Variants in CLINT1 observed in about 807,000 individuals in gnomAD.
CLINT1 encodes the protein clathrin interacting protein localized in the trans-Golgi region.
In CLINT1, 15 loss-of-function variants were observed where a neutral mutation model predicts 70.4. The observed-to-expected ratio is 0.21, with a 90% CI of 0.14 to 0.33. The LOEUF (loss-of-function observed/expected upper bound fraction) is 0.33, where lower values mean the gene tolerates loss of function less well. CLINT1 is among the 10% of genes least tolerant of loss of function. The pLI, the probability that CLINT1 is intolerant of heterozygous loss-of-function variation, is 1.00. For missense variants in CLINT1, 615 were observed against 778.1 expected (o/e 0.79, Z 2.49); for synonymous variants, 227 against 254.7 (o/e 0.89, Z 1.04).
chr5:157,825,411 C>A (rs891003343), intron 1 of CLINT1, among the ~76,000 whole-genome samples: 4 of 150,932 alleles, frequency 2.7e-5, no homozygotes, highest in African/African-American at 9.7e-5. Flanking sequence ...CTTTCTCAGT[C>A]AAAAAAAAAT....
chr5:157,803,539 T>C, intron 8 of CLINT1, 111 bp downstream of exon 8: 1 of 682,904 alleles, frequency 1.5e-6, no homozygotes, highest in Non-Finnish European at 2.2e-6. Flanking sequence ...TAATTTCATA[T>C]AAAAAATGAA....
At chr5:157,813,296 A>G in intron 4 of CLINT1, 69 bp from the exon 5 acceptor site, 1 of 1,298,830 alleles carries the variant, frequency 7.7e-7, no homozygotes, top group Non-Finnish European at 1.0e-6. Context: ...CTTTAAGATT[A>G]AAAAAAAGAC....
chr5:157,826,515 A>AT (rs149117429), intron 1 of CLINT1, among the ~76,000 whole-genome samples: 87,596 of 148,168 alleles, frequency 0.59, 25,638 homozygotes, highest in Admixed American at 0.66. Flanking sequence ...GCTTTCAGTC[A>AT]TTTTTTTTTT....
chr5:157,787,825 C>T lies in CLINT1; in HGVS notation c.1699G>A (p.Gly567Arg), dbSNP rs1243477078. Residue 567 changes from glycine (G) to arginine (R), a missense_variant, in exon 12 of 12, where the codon GGA becomes AGA. This residue lies in a region of CLINT1 where 374 missense variants were observed against 409.6 expected (regional missense o/e 0.91). Coordinates refer to ENST00000411809, the MANE Select transcript of CLINT1 (RefSeq NM_014666.4). The part of the protein sequence containing the change: ...MTGTMGMAPL[G>R]NTPMMNQSMM... ...CTCTGGTTCATCATCGGAGTATTTC[C>T]AAGAGGGGCCATTCCCATGGTGCCA... The T allele has an allele frequency of 3.7e-6, 6 of 1,613,818 alleles. No homozygotes were observed. The highest frequency in any genetic ancestry group is 1.3e-5 in the African/African-American group (1 of 74,910).
At chr5:157,824,565 G>T (rs895498525) in intron 1 of CLINT1, among the ~76,000 whole-genome samples, 6 of 152,122 alleles carry the variant, frequency 3.9e-5, no homozygotes, top group African/African-American at 1.4e-4. Context: ...TAACACAAGC[G>T]ACAACATAGC....
intron 9 of CLINT1, 57 bp from the exon 10 acceptor site, chr5:157,792,052 TAACAATC>T: frequency 6.8e-7 from 1 of 1,467,310 alleles, no homozygotes; most frequent in Admixed American, 2.0e-5. Context: ...AGAACAAATG[TAACAATC>T]TATGAACTGA....
At chr5:157,814,861 C>T (rs1486834585) in intron 3 of CLINT1, among the ~76,000 whole-genome samples, 8 of 151,772 alleles carry the variant, frequency 5.3e-5, no homozygotes, top group African/African-American at 1.2e-4. Flanking sequence ...GGTGAAACCT[C>T]GTCTCTACTA....
intron 1 of CLINT1, among the ~76,000 whole-genome samples, chr5:157,831,972 A>G (rs1763260098): frequency 1.3e-5 from 2 of 152,032 alleles, no homozygotes; most frequent in South Asian, 4.2e-4. Flanking sequence ...CTGGGATTAC[A>G]AGCGTGAGCC....
intron 8 of CLINT1, chr5:157,796,058 AATT>A (rs1335367646): frequency 6.6e-6 from 1 of 152,162 alleles, no homozygotes; most frequent in African/African-American, 2.4e-5. Context: ...AAAACAAAAC[AATT>A]ATTTTAAGCA....
chr5:157,835,543 T>C (rs986460782), intron 1 of CLINT1, among the ~76,000 whole-genome samples: 1 of 151,836 alleles, frequency 6.6e-6, no homozygotes, highest in African/African-American at 2.4e-5. Context: ...CAGTTTTCTT[T>C]CCCTCTCGGT....
rs371812190 is a variant in CLINT1, at chr5:157,841,364, G to A, written c.41+17566C>T. Among the ~76,000 whole-genome samples the A allele has an allele frequency of 2.9e-3, 435 of 151,232 alleles. 2 individuals are homozygous for A. Among genetic ancestry groups the A allele is most frequent in the Middle Eastern group, 0.01 (3 of 292 alleles). On this transcript the variant is annotated intron_variant, in intron 1 of 11. Coordinates refer to ENST00000411809, the MANE Select transcript of CLINT1 (RefSeq NM_014666.4). ...GCAGACCACCTGAGGTCAGGAGTTC[G>A]AGACCAGCCTGGCCAACATGGTGAA...
At chr5:157,831,584 T>C (rs1017727372) in intron 1 of CLINT1, among the ~76,000 whole-genome samples, 1 of 151,892 alleles carries the variant, frequency 6.6e-6, no homozygotes, top group Non-Finnish European at 1.5e-5. Flanking sequence ...CTTCTTTGGG[T>C]CCCCTCATAA....
At chr5:157,841,182 C>G (rs960633507) in intron 1 of CLINT1, among the ~76,000 whole-genome samples, 1 of 152,134 alleles carries the variant, frequency 6.6e-6, no homozygotes, top group African/African-American at 2.4e-5. Context: ...GGGAGGACTA[C>G]TTGATGCCGG....
At chr5:157,806,467 T>C (rs1762387312) in intron 6 of CLINT1, among the ~76,000 whole-genome samples, 1 of 151,848 alleles carries the variant, frequency 6.6e-6, no homozygotes, top group South Asian at 2.1e-4. Flanking sequence ...GATAAGACCC[T>C]GAGAGTTCAA....
chr5:157,793,570 A>G (rs1281344434), intron 9 of CLINT1, among the ~76,000 whole-genome samples: 1 of 152,198 alleles, frequency 6.6e-6, no homozygotes, highest in Admixed American at 6.5e-5. Flanking sequence ...ACATATTCAA[A>G]TTATTTGCAT....
At chr5:157,851,324 TTTATA>T (rs907699884) in intron 1 of CLINT1, among the ~76,000 whole-genome samples, 20 of 152,282 alleles carry the variant, frequency 1.3e-4, no homozygotes, top group African/African-American at 4.8e-4. Flanking sequence ...TAAAAGATTA[TTTATA>T]TTAAAGTTAT....
At chr5:157,849,282 C>A (rs1753492426) in intron 1 of CLINT1, among the ~76,000 whole-genome samples, 1 of 152,206 alleles carries the variant, frequency 6.6e-6, no homozygotes, top group South Asian at 2.1e-4. Context: ...CAGCAGCCAT[C>A]AACATGGAGG....
chr5:157,846,042 C>G (rs1753365857), intron 1 of CLINT1, among the ~76,000 whole-genome samples: 1 of 152,178 alleles, frequency 6.6e-6, no homozygotes, highest in Non-Finnish European at 1.5e-5. Flanking sequence ...CGCTCTCCCT[C>G]TCCTCTGGCA....
intron 1 of CLINT1, among the ~76,000 whole-genome samples, chr5:157,830,476 C>T (rs577274710): frequency 6.6e-6 from 1 of 152,150 alleles, no homozygotes; most frequent in South Asian, 2.1e-4. Flanking sequence ...TCCTACCTTG[C>T]TTATTTTCAA....
Sources: gnomAD v4.1 joint callset for allele counts (sites outside exome capture counted in the v4.1 genomes callset) on GRCh38, gnomAD v4.1.1 for gene constraint, gnomAD v4.1.1 regional missense constraint, MANE v1.5 for transcripts, NCBI Gene and HGNC (gene_info 2026-07-23, HGNC 2026-07-21) for gene names.